FN1: variants seen among roughly 807,000 people sequenced by gnomAD.
The protein encoded by FN1 is fibronectin.
Under a neutral mutation model 297.3 loss-of-function variants are expected in FN1, and 106 were observed. The ratio of observed to expected loss-of-function variants is 0.36; its 90% CI spans 0.30 to 0.42. The LOEUF (loss-of-function observed/expected upper bound fraction) is 0.42. Ranked by LOEUF, FN1 falls within the 10% of genes least tolerant of loss-of-function variation. FN1 has a pLI of 1.00. For synonymous variants in FN1, 1,149 were observed against 1,152.6 expected (o/e 1.00, Z 0.06); for missense variants, 2,690 against 3,124.9 (o/e 0.86, Z 3.32).
intron 42 of FN1, among the ~76,000 whole-genome samples, chr2:215,366,863 C>A (rs1437350581): frequency 1.3e-5 from 2 of 152,172 alleles, no homozygotes; most frequent in African/African-American, 4.8e-5. Context: ...AAACCATCTA[C>A]TTGAAGTCAA....
Position 215,404,375 on chromosome 2 carries a change from A to C in FN1, c.3253+14T>G, listed in dbSNP as rs2061508086. 2.5e-6 allele frequency: 4 copies of C among 1,613,172 alleles called. No homozygotes were observed. Among genetic ancestry groups the C allele is most frequent in the Non-Finnish European group, 3.4e-6 (4 of 1,179,412 alleles). ...TAAATATAGTTAAGAAAAGGCACTT[A>C]ATTTTCAGCTTACGTGTGGTAAAGA... On this transcript the variant is annotated intron_variant, in intron 20 of 45. Coordinates refer to ENST00000354785, the MANE Select transcript of FN1 (RefSeq NM_212482.4).
At chr2:215,385,803 G>C (rs1489996285) in intron 28 of FN1, among the ~76,000 whole-genome samples, 7 of 134,982 alleles carry the variant, frequency 5.2e-5, no homozygotes, top group Admixed American at 3.9e-4. Context: ...TTTTGAGACA[G>C]AGTCTCCCTC....
chr2:215,379,194 G>C lies in FN1; in HGVS notation c.5558C>G (p.Thr1853Ser). The part of the protein sequence containing the change: ...YRVRVTPKEK[T>S]GPMKEINLAP... ...AAGGTTGATTTCTTTCATTGGTCCGGTCTTCTCCTTGGGGGTCACCCGCAC... is the reference window on the plus strand; with the variant it reads ...AAGGTTGATTTCTTTCATTGGTCCGCTCTTCTCCTTGGGGGTCACCCGCAC... The change falls in exon 34 of 46, where the codon ACC becomes AGC. Residue 1853 changes from threonine to serine, a missense_variant. Thr to Ser is a moderately conservative substitution (Grantham distance 58, BLOSUM62 1). Transcript: ENST00000354785. 6.2e-7 allele frequency: 1 copy of C among 1,614,026 alleles called. No homozygotes were observed. The highest frequency in any genetic ancestry group is 8.5e-7 in the Non-Finnish European group (1 of 1,179,994).
chr2:215,380,351 A>C, intron 33 of FN1: 1 of 183,506 alleles, frequency 5.4e-6, no homozygotes, highest in Admixed American at 5.4e-5. Flanking sequence ...AATCACAATC[A>C]TTTAAGCTAA....
At chr2:215,416,963 T>C (rs1156751550) in intron 12 of FN1, among the ~76,000 whole-genome samples, 1 of 56,200 alleles carries the variant, frequency 1.8e-5, no homozygotes, top group African/African-American at 4.2e-5. Context: ...TTAAAGGAAA[T>C]GGACTGAACA....
Position 215,425,257 on chromosome 2 carries a change from T to C in FN1, c.873A>G (p.Ala291=), listed in dbSNP as rs1160737986. 8.7e-6 allele frequency: 14 copies of C among 1,614,018 alleles called. No homozygotes were observed. Among genetic ancestry groups the C allele is most frequent in the Admixed American group, 1.7e-5 (1 of 60,004 alleles). ...GGTGAGGCTGCGGTTGGTAAACAGC[T>C]GCACGAACATCGGTGAAGGGGCCAG... is the stretch of plus-strand genomic sequence containing the variant. ...SGSGPFTDVR[A]AVYQPQPHPQ... is the part of the protein sequence containing the mutation. The change falls in exon 7 of 46, where the codon GCA becomes GCG. Residue 291 remains alanine, a synonymous_variant. Coordinates refer to ENST00000354785, the MANE Select transcript of FN1 (RefSeq NM_212482.4).
At position 215,373,370 on chromosome 2, in the gene FN1, G is replaced by T; in HGVS notation, c.6199C>A (p.Leu2067Met). Residue 2067 changes from leucine (L) to methionine (M), a missense_variant, in exon 39 of 46, where the codon CTG becomes ATG. Around this residue, in one of 3 missense-constraint regions of FN1, gnomAD observed 1,743 missense variants for 1,945.2 expected, o/e 0.90. Transcript: ENST00000354785. ...GGCTCGCTCTTCTGATTATTCTTCA[G>T]GGCAATGACATAAATTGTATATTCG... Reference protein sequence around the residue: ...GTEYTIYVIALKNNQKSEPLI... With the variant: ...GTEYTIYVIAMKNNQKSEPLI... The T allele has an allele frequency of 6.2e-7, 1 of 1,613,396 alleles. No homozygotes were observed. The highest frequency in any genetic ancestry group is 2.2e-5 in the East Asian group (1 of 44,836).
chr2:215,387,728 A>G (rs1207565828), intron 27 of FN1, among the ~76,000 whole-genome samples: 1 of 152,252 alleles, frequency 6.6e-6, no homozygotes, highest in Non-Finnish European at 1.5e-5. Flanking sequence ...TGAATACACT[A>G]AAGTGTACCT....
chr2:215,376,428 A>G, intron 36 of FN1, 70 bp downstream of exon 36: 1 of 1,370,274 alleles, frequency 7.3e-7, no homozygotes, highest in Non-Finnish European at 1.0e-6. Flanking sequence ...CAGTCGTAGA[A>G]CAGTTAATAA....
intron 28 of FN1, among the ~76,000 whole-genome samples, chr2:215,385,567 G>GAAA (rs528179850): frequency 7.9e-5 from 9 of 113,952 alleles, no homozygotes; most frequent in African/African-American, 2.5e-4. Context: ...ATTTCAGGAA[G>GAAA]AAAAAAAAAA....
Position 215,425,231 on chromosome 2 carries a change from G to A in FN1, c.899C>T (p.Pro300Leu), listed in dbSNP as rs748851001. The change falls in exon 7 of 46, where the codon CCC becomes CTC. Residue 300 changes from proline (P) to leucine (L), a missense_variant. Around this residue, in one of 3 missense-constraint regions of FN1, gnomAD observed 876 missense variants for 1,058.1 expected, o/e 0.83. Coordinates refer to ENST00000354785, the MANE Select transcript of FN1 (RefSeq NM_212482.4). The part of the protein sequence containing the change: ...RAAVYQPQPH[P>L]QPPPYGHCVT... The stretch of plus-strand genomic sequence containing the variant: ...ACAGTGGCCATAGGGAGGAGGCTGG[G>A]GGTGAGGCTGCGGTTGGTAAACAGC... 1.5e-5 allele frequency: 25 copies of A among 1,614,146 alleles called. No homozygotes were observed. Among genetic ancestry groups the A allele is most frequent in the Non-Finnish European group, 2.1e-5 (25 of 1,180,032 alleles).
intron 42 of FN1, among the ~76,000 whole-genome samples, chr2:215,367,368 A>G (rs1450558059): frequency 1.3e-5 from 2 of 152,172 alleles, no homozygotes; most frequent in East Asian, 1.9e-4. Flanking sequence ...ATTTCTAGCA[A>G]CGTTCAAGCT....
chr2:215,405,536 G>C (rs2061672771), intron 19 of FN1, among the ~76,000 whole-genome samples: 2 of 152,242 alleles, frequency 1.3e-5, no homozygotes, highest in South Asian at 2.1e-4. Context: ...TTGAGGTCAG[G>C]AGTTTCAGAC....
chr2:215,388,080 T>C (rs1425459102), intron 27 of FN1, 132 bp downstream of exon 27: 4 of 729,688 alleles, frequency 5.5e-6, no homozygotes, highest in East Asian at 5.3e-5. Flanking sequence ...GATAAAATCA[T>C]ACTGTGATGA....
intron 44 of FN1, chr2:215,363,656 G>C (rs116228244): frequency 2.0e-5 from 3 of 152,308 alleles, no homozygotes; most frequent in African/African-American, 4.8e-5. Context: ...TAACCAATGA[G>C]TCTCACCCTT....
intron 38 of FN1, among the ~76,000 whole-genome samples, chr2:215,373,914 C>T (rs2056767477): frequency 6.6e-6 from 1 of 152,028 alleles, no homozygotes; most frequent in Non-Finnish European, 1.5e-5. Context: ...GATCTCCTGA[C>T]CTTGTGATCT....
rs764185326 is a variant in FN1 at position 215,378,158 on chromosome 2, G to C, written c.5710+17C>G. ...TATACAGAAGGTTTGTCCATATGAA[G>C]ACATTTTGTTACTTACTCTCCAGAG... On this transcript the variant is annotated intron_variant, in intron 35 of 45. Transcript: ENST00000354785. The C allele has an allele frequency of 5.5e-6, 8 of 1,447,956 alleles. No homozygotes were observed. In the Admixed American group the frequency reaches 8.4e-5, roughly 15 times the overall value. The allele number at this position is 1,447,956 out of a possible 1,614,324, so 89.7% of individuals were successfully genotyped here. A position where few individuals can be genotyped will look rare whatever the true frequency, so the allele number is the denominator to read the frequency against.
chr2:215,416,934 C>A (rs2063506871), intron 12 of FN1, among the ~76,000 whole-genome samples: 1 of 151,218 alleles, frequency 6.6e-6, no homozygotes, highest in Non-Finnish European at 1.5e-5. Flanking sequence ...AAAATCTAGC[C>A]CTGTGGCATA....
At chr2:215,361,699 A>C in intron 45 of FN1, 73 bp from the exon 46 acceptor site, 1 of 1,198,994 alleles carries the variant, frequency 8.3e-7, no homozygotes, top group Non-Finnish European at 1.2e-6. Flanking sequence ...AAATGCGGGG[A>C]GGTGGGGACT....
Sources: gnomAD v4.1 joint callset for allele counts (sites outside exome capture counted in the v4.1 genomes callset) on GRCh38, gnomAD v4.1.1 for gene constraint, gnomAD v4.1.1 regional missense constraint, MANE v1.5 for transcripts, NCBI Gene and HGNC (gene_info 2026-07-23, HGNC 2026-07-21) for gene names.